The following CEP128 variants were observed in gnomAD, a reference collection of about 807,000 sequenced individuals.
CEP128 encodes the protein centrosomal protein 128.
CEP128 carries 132 observed loss-of-function variants against 156.7 expected under a neutral mutation model. That is an observed-to-expected ratio of 0.84 (90% CI 0.73 to 0.97). The LOEUF (loss-of-function observed/expected upper bound fraction) is 0.97, where lower values mean the gene tolerates loss of function less well. Among genes scored for constraint, CEP128 ranks in the 50% least tolerant of loss-of-function variants. The probability of loss-of-function intolerance (pLI) is 0.00; values close to 1 mark genes in which losing one functional copy is unlikely to be tolerated. For missense variants in CEP128, 1,252 were observed against 1,281.9 expected, an observed-to-expected ratio of 0.98 and a Z score of 0.36; for synonymous variants, 469 against 448.9, an observed-to-expected ratio of 1.04 and a Z score of -0.57.
rs561187004 is a variant in CEP128, at chr14:80,735,990, C to T, written c.2806+7085G>A. ...CTTAATTTTTTCCAGCTATAAAATC[C>T]CTTTTGCCATGTAAGGTAACATATT... On this transcript the variant is annotated intron_variant, in intron 19 of 24. Transcript: ENST00000555265. Among the ~76,000 whole-genome samples, 5 of 152,146 alleles carry T rather than the reference C, an allele frequency of 3.3e-5. 1 individual carries two copies. The South Asian group carries it at 1.0e-3, about 32-fold the overall frequency.
chr14:80,740,259 A>G (rs1165886935), intron 19 of CEP128, among the ~76,000 whole-genome samples: 1 of 152,124 alleles, frequency 6.6e-6, no homozygotes, highest in East Asian at 1.9e-4. Context: ...AGCATTCAGC[A>G]AAACATTAAA....
In CEP128 at chr14:80,785,197, T is replaced by G; in HGVS notation, c.1909A>C (p.Ile637Leu). Residue 637 changes from isoleucine (I) to leucine (L), a missense_variant, in exon 15 of 25, where the codon ATC (isoleucine) becomes CTC (leucine). Ile to Leu is a conservative substitution (Grantham distance 5). Coordinates refer to ENST00000555265, the MANE Select transcript of CEP128 (RefSeq NM_152446.5). ...GCTCGGATGGCACTCAGGTCCTTGA[T>G]GGACTCTTGCATCTCAAGAAGTTTA... ...KAKLLEMQES[I>L]KDLSAIRADL... is the part of the protein sequence containing the mutation. 6.2e-7 allele frequency: 1 copy of G among 1,614,218 alleles called. No individual in the cohort carries two copies. The highest frequency in any genetic ancestry group is 8.5e-7 in the Non-Finnish European group (1 of 1,180,022).
chr14:80,794,701 T>A (rs1901896073), intron 13 of CEP128, among the ~76,000 whole-genome samples: 1 of 152,058 alleles, frequency 6.6e-6, no homozygotes, highest in Non-Finnish European at 1.5e-5. Flanking sequence ...TAGGACATAG[T>A]TTTAATACCA....
intron 13 of CEP128, among the ~76,000 whole-genome samples, chr14:80,810,323 C>CAAAAAAAATAAA (rs1884442822): frequency 6.6e-5 from 1 of 15,192 alleles, no homozygotes; most frequent in Non-Finnish European, 1.3e-4. Flanking sequence ...ACTCCATCTC[C>CAAAAAAAATAAA]AAAAAAAAAA....
chr14:80,771,160 T>C (rs1331354766), intron 16 of CEP128, among the ~76,000 whole-genome samples: 2 of 152,188 alleles, frequency 1.3e-5, no homozygotes, highest in Non-Finnish European at 2.9e-5. Flanking sequence ...TCTAACAAAA[T>C]CATTGACGAC....
At chr14:80,511,547 CTTTTTG>C (rs759354929) in intron 23 of CEP128, among the ~76,000 whole-genome samples, 16 of 151,824 alleles carry the variant, frequency 1.1e-4, no homozygotes, top group Non-Finnish European at 1.6e-4. Context: ...AAAAAAACAA[CTTTTTG>C]TTTAGTTGAT....
At chr14:80,664,973 C>T (rs1000389300) in intron 19 of CEP128, among the ~76,000 whole-genome samples, 1 of 152,230 alleles carries the variant, frequency 6.6e-6, no homozygotes, top group Middle Eastern at 3.2e-3. Context: ...CCTGCCACAA[C>T]AGGATATCCT....
intron 21 of CEP128, among the ~76,000 whole-genome samples, chr14:80,554,848 A>C (rs1342478608): frequency 6.7e-6 from 1 of 150,108 alleles, no homozygotes; most frequent in African/African-American, 2.5e-5. Flanking sequence ...TTTAGGTTTT[A>C]CTCTTTTAAT....
intron 19 of CEP128, among the ~76,000 whole-genome samples, chr14:80,671,669 T>C (rs374909362): frequency 2.0e-5 from 3 of 152,282 alleles, no homozygotes; most frequent in African/African-American, 7.2e-5. Context: ...AATGTAGATA[T>C]GTGTACAATT....
At chr14:80,557,758 T>G (rs980741614) in intron 21 of CEP128, among the ~76,000 whole-genome samples, 3 of 152,192 alleles carry the variant, frequency 2.0e-5, no homozygotes, top group Admixed American at 1.3e-4. Context: ...GTAACCATCT[T>G]TCCTCTCTTC....
Position 80,504,473 on chromosome 14 carries a change from A to T in CEP128, c.3181+439T>A, listed in dbSNP as rs565944730. Reference sequence around the variant, plus strand: ...ATACATTGTTGATATTGATGATGACATTTATCAAGATTCACAGAGTGAAAT... The same window carrying T: ...ATACATTGTTGATATTGATGATGACTTTTATCAAGATTCACAGAGTGAAAT... On this transcript the variant is annotated intron_variant, in intron 24 of 24. Transcript: ENST00000555265. Among the ~76,000 whole-genome samples, 79 of 152,354 alleles carry T rather than the reference A, an allele frequency of 5.2e-4. 1 individual carries two copies. In the South Asian group the frequency reaches 0.013, roughly 25 times the overall value.
chr14:80,692,463 T>G (rs1043945451), intron 19 of CEP128, among the ~76,000 whole-genome samples: 1 of 152,112 alleles, frequency 6.6e-6, no homozygotes, highest in African/African-American at 2.4e-5. Flanking sequence ...GCAGATACAA[T>G]TAGCATGAAA....
At chr14:80,656,324 TA>T (rs1895164447) in intron 19 of CEP128, among the ~76,000 whole-genome samples, 1 of 15,564 alleles carries the variant, frequency 6.4e-5, no homozygotes, top group African/African-American at 3.8e-4. Flanking sequence ...TATATATATA[TA>T]TATATATATA....
chr14:80,943,762 G>A (rs1700872512), upstream of CEP128, among the ~76,000 whole-genome samples: 1 of 152,158 alleles, frequency 6.6e-6, no homozygotes, highest in South Asian at 2.1e-4. Context: ...GGGAGGCTGA[G>A]GTGGGTGGAT....
At chr14:80,908,486 G>A (rs573897463) in intron 4 of CEP128, among the ~76,000 whole-genome samples, 10 of 152,086 alleles carry the variant, frequency 6.6e-5, no homozygotes, top group Admixed American at 2.6e-4. Context: ...TTCAAGGTCA[G>A]TTGGTTATTT....
intron 21 of CEP128, among the ~76,000 whole-genome samples, chr14:80,535,633 A>G (rs1889450868): frequency 7.5e-6 from 1 of 133,144 alleles, no homozygotes; most frequent in South Asian, 2.3e-4. Context: ...ACACACACAC[A>G]TGGGGTCTGG....
At chr14:80,761,386 A>G (rs894910550) in intron 17 of CEP128, 51 bp downstream of exon 17, 1 of 1,283,104 alleles carries the variant, frequency 7.8e-7, no homozygotes, top group Non-Finnish European at 1.1e-6. Context: ...TTACAATTAT[A>G]TATTAGGAAA....
intron 19 of CEP128, among the ~76,000 whole-genome samples, chr14:80,604,020 A>C (rs1892683579): frequency 6.6e-6 from 1 of 152,192 alleles, no homozygotes; most frequent in Non-Finnish European, 1.5e-5. Flanking sequence ...AAAAACAAAA[A>C]GTTATTACTA....
chr14:80,698,220 C>T (rs1435018068), intron 19 of CEP128, among the ~76,000 whole-genome samples: 1 of 151,860 alleles, frequency 6.6e-6, no homozygotes, highest in South Asian at 2.1e-4. Flanking sequence ...AGAGTAGTTT[C>T]TTCTTTCATC....
Sources: allele counts gnomAD v4.1 joint callset (sites outside exome capture counted in the v4.1 genomes callset), GRCh38; gene constraint gnomAD v4.1.1; transcripts MANE v1.5; gene names NCBI Gene and HGNC (gene_info 2026-07-23, HGNC 2026-07-21).